ARHGAP15: variants seen among roughly 807,000 people sequenced by gnomAD.
ARHGAP15 encodes the protein rho GTPase-activating protein 15.
A neutral mutation model predicts 63.7 loss-of-function variants in ARHGAP15; 51 were observed. The observed-to-expected ratio is 0.80, with a 90% CI of 0.64 to 1.01. The LOEUF is 1.01. Among genes scored for constraint, ARHGAP15 ranks in the 50% least tolerant of loss-of-function variants. The probability of loss-of-function intolerance (pLI) is 0.00; values close to 1 mark genes in which losing one functional copy is unlikely to be tolerated. For synonymous variants in ARHGAP15, 191 were observed against 193.8 expected (o/e 0.99, Z 0.12); for missense variants, 560 against 564.6 (o/e 0.99, Z 0.08).
In ARHGAP15 at chr2:143,410,464, A is replaced by T. The variant is rs189215739; in HGVS notation, c.475-25137A>T. 6.0e-4 allele frequency among the ~76,000 whole-genome samples: 91 copies of T among 152,342 alleles called. 2 individuals are homozygous for T. The East Asian group carries it at 0.016, about 27-fold the overall frequency. Reference sequence around the variant, plus strand: ...CTCATATTTGAGATAGAATACCTATAGTCTATCCTGGAGGGGAAGAAAGCA... The same window carrying T: ...CTCATATTTGAGATAGAATACCTATTGTCTATCCTGGAGGGGAAGAAAGCA... On this transcript the variant is annotated intron_variant, in intron 6 of 13. Transcript: ENST00000295095.
At chr2:143,158,966 G>C (rs1690187443) in intron 2 of ARHGAP15, among the ~76,000 whole-genome samples, 1 of 152,020 alleles carries the variant, frequency 6.6e-6, no homozygotes, top group South Asian at 2.1e-4. Flanking sequence ...TATTAATGAG[G>C]AGTTTAAATA....
At chr2:143,328,107 G>A (rs577892622) in intron 6 of ARHGAP15, among the ~76,000 whole-genome samples, 9 of 152,294 alleles carry the variant, frequency 5.9e-5, no homozygotes, top group African/African-American at 2.2e-4. Context: ...ATGCTGGAGA[G>A]GATGTGGAGA....
At chr2:143,365,915 G>A (rs1364733762) in intron 6 of ARHGAP15, among the ~76,000 whole-genome samples, 1 of 152,096 alleles carries the variant, frequency 6.6e-6, no homozygotes, top group African/African-American at 2.4e-5. Flanking sequence ...CTTGTTTTGG[G>A]TTTTTCGATT....
intron 13 of ARHGAP15, among the ~76,000 whole-genome samples, chr2:143,712,376 A>G (rs1333340102): frequency 1.3e-5 from 2 of 152,226 alleles, no homozygotes; most frequent in Non-Finnish European, 2.9e-5. Flanking sequence ...GCTCATTGTT[A>G]TATTCTATTA....
At chr2:143,555,492 A>G (rs1282327949) in intron 10 of ARHGAP15, among the ~76,000 whole-genome samples, 1 of 152,122 alleles carries the variant, frequency 6.6e-6, no homozygotes, top group African/African-American at 2.4e-5. Context: ...GCATTTTTAG[A>G]TACTATTATA....
At chr2:143,609,264 T>A (rs1698163127) in intron 11 of ARHGAP15, among the ~76,000 whole-genome samples, 2 of 152,210 alleles carry the variant, frequency 1.3e-5, no homozygotes. Flanking sequence ...CTCAATTCTC[T>A]CTCTAGTTAT....
chr2:143,134,107 C>G lies in ARHGAP15; in HGVS notation c.-15+4641C>G, dbSNP rs535882600. ...CATGTAATTGTTTCTATTTGAAAAT[C>G]TATCTATCTATCTATCTATCTATCT... is the stretch of plus-strand genomic sequence containing the variant. On this transcript the variant is annotated intron_variant, in intron 1 of 13. Coordinates refer to ENST00000295095, the MANE Select transcript of ARHGAP15 (RefSeq NM_018460.4). Among the ~76,000 whole-genome samples the G allele has an allele frequency of 5.8e-3, 61 of 10,594 alleles. 1 individual carries two copies. Among genetic ancestry groups the G allele is most frequent in the African/African-American group, 0.018 (61 of 3,342 alleles). The allele number at this position is 10,594 out of a possible 152,430, so 7.0% of individuals were successfully genotyped here.
intron 6 of ARHGAP15, among the ~76,000 whole-genome samples, chr2:143,257,037 C>CT (rs1558846883): frequency 6.6e-6 from 1 of 151,990 alleles, no homozygotes; most frequent in East Asian, 1.9e-4. Flanking sequence ...AATAATAAAA[C>CT]TTTTTTAAAA....
chr2:143,527,814 C>A (rs1694344283), intron 10 of ARHGAP15, among the ~76,000 whole-genome samples: 2 of 151,934 alleles, frequency 1.3e-5, no homozygotes, highest in African/African-American at 4.8e-5. Context: ...TTGCTGAAAT[C>A]CTCATTGGAG....
chr2:143,551,304 A>G (rs1695551510), intron 10 of ARHGAP15, among the ~76,000 whole-genome samples: 1 of 152,026 alleles, frequency 6.6e-6, no homozygotes, highest in African/African-American at 2.4e-5. Context: ...GGCATGCGCC[A>G]CCATGCCAGG....
chr2:143,453,934 T>A lies in ARHGAP15; in HGVS notation c.703+16892T>A, dbSNP rs555215149. On this transcript the variant is annotated intron_variant, in intron 8 of 13. Transcript: ENST00000295095. ...CAGCTAACTGGTATAATTATGTAACTCAAATGGTCATATTGAGAGGGTTAA... is the reference window on the plus strand; with the variant it reads ...CAGCTAACTGGTATAATTATGTAACACAAATGGTCATATTGAGAGGGTTAA... Among the ~76,000 whole-genome samples the A allele has an allele frequency of 2.0e-5, 3 of 152,132 alleles. No individual in the cohort carries two copies. The South Asian group carries it at 6.2e-4, about 32-fold the overall frequency.
intron 13 of ARHGAP15, among the ~76,000 whole-genome samples, chr2:143,733,388 A>G (rs1337567768): frequency 1.3e-5 from 2 of 152,148 alleles, no homozygotes; most frequent in Non-Finnish European, 2.9e-5. Flanking sequence ...CTTTTTCCAG[A>G]TGCATATGTA....
intron 6 of ARHGAP15, among the ~76,000 whole-genome samples, chr2:143,359,918 G>A (rs929639458): frequency 5.9e-5 from 9 of 152,228 alleles, no homozygotes; most frequent in Admixed American, 2.6e-4. Flanking sequence ...AACCTAAAAT[G>A]AGGAAATATG....
intron 8 of ARHGAP15, among the ~76,000 whole-genome samples, chr2:143,442,015 GA>G (rs1689904721): frequency 6.6e-6 from 1 of 152,006 alleles, no homozygotes; most frequent in South Asian, 2.1e-4. Flanking sequence ...ACAACAGAAA[GA>G]AAAAACTTGA....
intron 2 of ARHGAP15, 87 bp from the exon 3 acceptor site, chr2:143,202,047 A>G (rs1692139520): frequency 1.0e-6 from 1 of 995,942 alleles, no homozygotes; most frequent in Non-Finnish European, 1.6e-6. Context: ...TGCTTGAATA[A>G]CACTGAATTG....
intron 1 of ARHGAP15, among the ~76,000 whole-genome samples, chr2:143,140,600 G>T (rs1450368622): frequency 6.6e-6 from 1 of 152,098 alleles, no homozygotes; most frequent in Non-Finnish European, 1.5e-5. Context: ...ATAATTCTGA[G>T]AAGGGAACAT....
chr2:143,726,565 C>T (rs2105474475), intron 13 of ARHGAP15, among the ~76,000 whole-genome samples: 1 of 152,318 alleles, frequency 6.6e-6, no homozygotes, highest in African/African-American at 2.4e-5. Context: ...AATTAAGAAA[C>T]CCTGACTCAT....
intron 6 of ARHGAP15, among the ~76,000 whole-genome samples, chr2:143,432,016 GTATC>G (rs551838767): frequency 3.4e-4 from 52 of 151,938 alleles, no homozygotes; most frequent in Non-Finnish European, 5.9e-4. Context: ...CTGATGAGGT[GTATC>G]TATCTATAAC....
intron 12 of ARHGAP15, among the ~76,000 whole-genome samples, chr2:143,647,262 G>T (rs1025468933): frequency 1.3e-5 from 2 of 150,948 alleles, no homozygotes; most frequent in Non-Finnish European, 2.9e-5. Flanking sequence ...TAGTGTAAAA[G>T]AGTTGAATTA....
Sources: allele counts gnomAD v4.1 joint callset (sites outside exome capture counted in the v4.1 genomes callset), GRCh38; gene constraint gnomAD v4.1.1; transcripts MANE v1.5; gene names NCBI Gene and HGNC (gene_info 2026-07-23, HGNC 2026-07-21).